Variants in SULT1A1 observed in about 807,000 individuals in gnomAD.
The protein encoded by SULT1A1 is sulfotransferase family 1A member 1.
Under a neutral mutation model 36.8 loss-of-function variants are expected in SULT1A1, and 35 were observed. The ratio of observed to expected loss-of-function variants is 0.95; its 90% CI spans 0.73 to 1.26. SULT1A1 has a LOEUF of 1.26. Ranked by LOEUF, SULT1A1 falls within the 50% of genes most tolerant of loss-of-function variation. The pLI is 0.00. For synonymous variants in SULT1A1, 119 were observed against 146.0 expected, an observed-to-expected ratio of 0.82 and a Z score of 1.33; for missense variants, 309 against 383.0, an observed-to-expected ratio of 0.81 and a Z score of 1.61.
Position 28,605,635 on chromosome 16 carries a change from T to C in SULT1A1, c.*186A>G. On this transcript the variant is annotated 3_prime_UTR_variant, in exon 8 of 8. Transcript: ENST00000314752. ...ATTTTATTTTATTTTTTTAACAGAA[T>C]CTCACTATGTTGCCCAGGTTGGTCT... The C allele has an allele frequency of 1.1e-6, 1 of 926,718 alleles. No homozygotes were observed. 57.4% of individuals were successfully genotyped at this position (926,718 alleles called of 1,614,324 possible).
At chr16:28,606,604 G>A (rs2047198717) in intron 6 of SULT1A1, among the ~76,000 whole-genome samples, 157 bp downstream of exon 6, 2 of 132,914 alleles carry the variant, frequency 1.5e-5, no homozygotes, top group South Asian at 4.4e-4. Context: ...CTGCCAGGTG[G>A]GGCCTTAGTG....
intron 6 of SULT1A1, 25 bp downstream of exon 6, chr16:28,606,736 A>G (rs774493600): frequency 1.2e-6 from 2 of 1,610,410 alleles, no homozygotes; most frequent in Non-Finnish European, 1.7e-6. Flanking sequence ...AGTCACATGG[A>G]GGGAAGCATC....
Position 28,605,612 on chromosome 16 carries a change from T to G in SULT1A1, c.*209A>C. The G allele has an allele frequency of 1.2e-6, 1 of 843,712 alleles. No individual in the cohort carries two copies. Among genetic ancestry groups the G allele is most frequent in the Non-Finnish European group, 1.8e-6 (1 of 549,174 alleles). The allele number at this position is 843,712 out of a possible 1,614,324, so 52.3% of individuals were successfully genotyped here. On this transcript the variant is annotated 3_prime_UTR_variant, in exon 8 of 8. Transcript: ENST00000314752. ...TTCTCTTTTTAAAAATTGGTTTTAT[T>G]TTATTTTATTTTTTTAACAGAATCT...
rs1221783584 is a variant in SULT1A1, at chr16:28,610,005, AG to A, written c.-80del. 3 of 1,281,266 alleles carry A rather than the reference AG, an allele frequency of 2.3e-6. No individual in the cohort carries two copies. The highest frequency in any genetic ancestry group is 3.0e-6 in the Non-Finnish European group (3 of 986,070). 79.4% of individuals were successfully genotyped at this position (1,281,266 alleles called of 1,614,324 possible). A position where few individuals can be genotyped will look rare whatever the true frequency, so the allele number is the denominator to read the frequency against. On this transcript the variant is annotated 5_prime_UTR_variant, in exon 1 of 8. Coordinates refer to ENST00000314752, the MANE Select transcript of SULT1A1 (RefSeq NM_001055.4). ...ATTGTGGGTGTTGTGTGGGGAATGCAGGGTTGTTCTCTGAGCTGAGGGTTTC... is the reference window on the plus strand; with the variant it reads ...ATTGTGGGTGTTGTGTGGGGAATGCAGGTTGTTCTCTGAGCTGAGGGTTTC...
intron 4 of SULT1A1, chr16:28,607,331 T>A: frequency 1.6e-6 from 1 of 629,414 alleles, no homozygotes; most frequent in South Asian, 2.2e-5. Flanking sequence ...GAGCAAGGCA[T>A]GCTCCACCAG....
In SULT1A1 at chr16:28,606,036, C is replaced by T. The variant is rs1167972003; in HGVS notation, c.775+20G>A. The T allele has an allele frequency of 2.5e-6, 4 of 1,609,626 alleles. No individual in the cohort carries two copies. Among genetic ancestry groups the T allele is most frequent in the Non-Finnish European group, 3.4e-6 (4 of 1,177,138 alleles). On this transcript the variant is annotated intron_variant, in intron 7 of 7. Coordinates refer to ENST00000314752, the MANE Select transcript of SULT1A1 (RefSeq NM_001055.4). Reference sequence around the variant, plus strand: ...TGCTGCTCCCACCCGCCCCAAACCCCCGTGCTGGCCAGCACCCACCTTTCC... The same window carrying T: ...TGCTGCTCCCACCCGCCCCAAACCCTCGTGCTGGCCAGCACCCACCTTTCC...
chr16:28,621,086 A>G (rs556273733), intron 1 of SULT1A1, among the ~76,000 whole-genome samples: 7 of 151,986 alleles, frequency 4.6e-5, no homozygotes, highest in African/African-American at 1.7e-4. Context: ...CATTCCAGCC[A>G]GGATGATAAA....
chr16:28,623,022 G>A (rs1203583736), intron 1 of SULT1A1: 1 of 1,409,556 alleles, frequency 7.1e-7, no homozygotes, highest in African/African-American at 1.4e-5. Flanking sequence ...TCCTGCCCGG[G>A]TCCCCAGGCT....
intron 6 of SULT1A1, 71 bp downstream of exon 6, chr16:28,606,690 G>A (rs4149389): frequency 0.37 from 572,518 of 1,553,490 alleles, 106,423 homozygotes; most frequent in Admixed American, 0.46. Flanking sequence ...GGGCTGGGTG[G>A]CCTTGGCGGG....
intron 1 of SULT1A1, among the ~76,000 whole-genome samples, chr16:28,622,772 T>C: frequency 6.6e-6 from 1 of 152,102 alleles, no homozygotes; most frequent in Non-Finnish European, 1.5e-5. Flanking sequence ...CGTGGGCCTT[T>C]TTCAGGGGGC....
At chr16:28,609,674 C>T in intron 1 of SULT1A1, 1 of 400,928 alleles carries the variant, frequency 2.5e-6, no homozygotes, top group South Asian at 2.2e-5. Context: ...AAGAGAATCA[C>T]TTGAGCCCAG....
chr16:28,605,592 T>C lies in SULT1A1; in HGVS notation c.*229A>G. 1 of 754,072 alleles carries C rather than the reference T, an allele frequency of 1.3e-6. No homozygotes were observed. The highest frequency in any genetic ancestry group is 2.1e-6 in the Non-Finnish European group (1 of 475,078). 46.7% of individuals were successfully genotyped at this position (754,072 alleles called of 1,614,324 possible). On this transcript the variant is annotated 3_prime_UTR_variant, in exon 8 of 8. Coordinates refer to ENST00000314752, the MANE Select transcript of SULT1A1 (RefSeq NM_001055.4). ...TGGCCCACAATCATATTTTATTCTC[T>C]TTTTAAAAATTGGTTTTATTTTATT...
At chr16:28,623,039 G>A in intron 1 of SULT1A1, 1 of 1,483,954 alleles carries the variant, frequency 6.7e-7, no homozygotes, top group Non-Finnish European at 9.1e-7. Context: ...GGCTCCTGCA[G>A]CGCCCTCCCT....
intron 1 of SULT1A1, chr16:28,623,097 T>TGC: frequency 3.6e-5 from 50 of 1,391,142 alleles, no homozygotes; most frequent in Middle Eastern, 2.0e-4. Flanking sequence ...CCAATACTGG[T>TGC]CCCACCCCCC....
intron 6 of SULT1A1, 30 bp downstream of exon 6, chr16:28,606,731 C>T: frequency 6.2e-7 from 1 of 1,609,724 alleles, no homozygotes; most frequent in Non-Finnish European, 8.5e-7. Context: ...CCAGGAGTCA[C>T]ATGGAGGGAA....
In SULT1A1 at chr16:28,606,172, A is replaced by G. The variant is rs199652361; in HGVS notation, c.659T>C (p.Val220Ala). 2.8e-4 allele frequency: 457 copies of G among 1,611,730 alleles called. 12 individuals are homozygous for G. Among genetic ancestry groups the G allele is most frequent in the Non-Finnish European group, 3.5e-4 (413 of 1,178,296 alleles). ...CGACGTGTGCTGAACCACGAAGTCC[A>G]CGGTCTCCTCTGGCAGGGAGCGCCC... ...FVGRSLPEET[V>A]DFVVQHTSFK... is the part of the protein sequence containing the mutation. The change falls in exon 7 of 8, where the codon GTG becomes GCG. Residue 220 changes from valine (V) to alanine (A), a missense_variant. Coordinates refer to ENST00000314752, the MANE Select transcript of SULT1A1 (RefSeq NM_001055.4).
rs2047145372 is a variant in SULT1A1, at chr16:28,605,702, A to G, written c.*119T>C. Reference sequence around the variant, plus strand: ...AATGATCCTCCCACCTCAGCCTCCAAATTGCTGGGATTACAGACATGACCT... The same window carrying G: ...AATGATCCTCCCACCTCAGCCTCCAGATTGCTGGGATTACAGACATGACCT... On this transcript the variant is annotated 3_prime_UTR_variant, in exon 8 of 8. Coordinates refer to ENST00000314752, the MANE Select transcript of SULT1A1 (RefSeq NM_001055.4). 2 of 1,530,502 alleles carry G rather than the reference A, an allele frequency of 1.3e-6. No homozygotes were observed. The highest frequency in any genetic ancestry group is 1.8e-6 in the Non-Finnish European group (2 of 1,124,044). 94.8% of individuals were successfully genotyped at this position (1,530,502 alleles called of 1,614,324 possible).
chr16:28,619,291 C>T (rs1274787100), intron 2 of SULT1A1, among the ~76,000 whole-genome samples: 4 of 152,196 alleles, frequency 2.6e-5, no homozygotes, highest in South Asian at 2.1e-4. Flanking sequence ...GGATTAGAGG[C>T]GTGAGCCACC....
rs4149385 is a variant in SULT1A1, at chr16:28,608,885, C to T, written c.-4-26G>A. The T allele has an allele frequency of 0.017, 28,114 of 1,610,382 alleles. 2,779 individuals are homozygous for T. In the East Asian group the frequency reaches 0.23, roughly 13 times the overall value. On this transcript the variant is annotated intron_variant, in intron 1 of 7. Transcript: ENST00000314752. ...CTGCGTCAGGGGCCAGAGCCAGGCC[C>T]GTTCCCTTACCACCATCACAACAGC...
Sources: allele counts gnomAD v4.1 joint callset (sites outside exome capture counted in the v4.1 genomes callset), GRCh38; gene constraint gnomAD v4.1.1; transcripts MANE v1.5; gene names NCBI Gene and HGNC (gene_info 2026-07-23, HGNC 2026-07-21).